SYBU: variants seen among roughly 807,000 people sequenced by gnomAD.
SYBU encodes the protein GOLSYN A protein.
A neutral mutation model predicts 35.9 loss-of-function variants in SYBU; 21 were observed. The ratio of observed to expected loss-of-function variants is 0.58; its 90% CI spans 0.41 to 0.84. The LOEUF (loss-of-function observed/expected upper bound fraction) is 0.84, where lower values mean the gene tolerates loss of function less well. SYBU is among the 40% of genes least tolerant of loss of function. SYBU has a pLI of 0.00. For synonymous variants in SYBU, 319 were observed against 324.3 expected, an observed-to-expected ratio of 0.98 and a Z score of 0.18; for missense variants, 768 against 848.2, an observed-to-expected ratio of 0.91 and a Z score of 1.17.
At chr8:109,588,731 A>G (rs1255714288) in intron 3 of SYBU, among the ~76,000 whole-genome samples, 2 of 151,156 alleles carry the variant, frequency 1.3e-5, no homozygotes, top group Admixed American at 6.6e-5. Context: ...CCATTTATCT[A>G]TTAGTTGGCA....
At chr8:109,609,268 T>C (rs1810912849) in intron 3 of SYBU, among the ~76,000 whole-genome samples, 1 of 152,218 alleles carries the variant, frequency 6.6e-6, no homozygotes, top group Admixed American at 6.5e-5. Context: ...TCCTTCTGAA[T>C]TGGCTGCAAT....
chr8:109,683,617 C>T (rs565429261), upstream of SYBU, among the ~76,000 whole-genome samples: 1 of 152,154 alleles, frequency 6.6e-6, no homozygotes, highest in South Asian at 2.1e-4. Flanking sequence ...TGAGTTAAGA[C>T]TTTGGGGGAC....
At chr8:109,658,832 TA>T (rs1726044643) in intron 1 of SYBU, among the ~76,000 whole-genome samples, 1 of 152,122 alleles carries the variant, frequency 6.6e-6, no homozygotes, top group South Asian at 2.1e-4. Context: ...CGCACGCCTG[TA>T]ATCCCAGCTA....
At chr8:109,644,949 T>C (rs1815463409), upstream of SYBU, 2 of 527,286 alleles carry the variant, frequency 3.8e-6, no homozygotes, top group Non-Finnish European at 6.9e-6. Context: ...CGACCGCGCC[T>C]GGGCGCGCCC....
At chr8:109,676,333 G>A (rs567695764) in intron 1 of SYBU, among the ~76,000 whole-genome samples, 5 of 152,190 alleles carry the variant, frequency 3.3e-5, no homozygotes, top group Non-Finnish European at 7.3e-5. Context: ...AATAGGAAGA[G>A]AGGAAGTCAA....
intron 1 of SYBU, among the ~76,000 whole-genome samples, chr8:109,686,489 A>G (rs1014249405): frequency 6.6e-6 from 1 of 152,206 alleles, no homozygotes; most frequent in African/African-American, 2.4e-5. Flanking sequence ...ACTCACTTAG[A>G]CTATCATTCC....
rs892515460 is a variant in SYBU, at chr8:109,691,049, G to T, written c.-58+284C>A. ...TACATTAGCCTGGCTAATCTTGCTC[G>T]TTGCAACAAGGAGTCCAGCCCGACC... On this transcript the variant is annotated intron_variant, in intron 1 of 7. Transcript: ENST00000422135. The surrounding 1 kb of genome is among the most constrained non-coding windows in gnomAD (Gnocchi z 4.7). Among the ~76,000 whole-genome samples the T allele has an allele frequency of 1.3e-5, 2 of 152,246 alleles. No individual in the cohort carries two copies. The highest frequency in any genetic ancestry group is 4.8e-5 in the African/African-American group (2 of 41,536).
Position 109,590,687 on chromosome 8 carries a change from CAAAT to C in SYBU, c.428-4529_428-4526del, listed in dbSNP as rs148644299. ...TATGGGAAAATAGCAAGGTCAAAGA[CAAAT>C]AGATACACTGAAAAAATATTTCTAA... On this transcript the variant is annotated intron_variant, in intron 3 of 6. Coordinates refer to ENST00000276646, the MANE Select transcript of SYBU (RefSeq NM_001099754.2). Among the ~76,000 whole-genome samples the C allele has an allele frequency of 6.3e-3, 908 of 143,310 alleles. 10 individuals are homozygous for C. Among genetic ancestry groups the C allele is most frequent in the African/African-American group, 0.021 (791 of 37,762 alleles). The allele number at this position is 143,310 out of a possible 152,430, so 94.0% of individuals were successfully genotyped here.
chr8:109,625,988 G>C (rs965399316), intron 2 of SYBU, among the ~76,000 whole-genome samples: 2 of 152,092 alleles, frequency 1.3e-5, no homozygotes, highest in Non-Finnish European at 2.9e-5. Context: ...ATTTCTTAAA[G>C]TTAATTAAAA....
chr8:109,581,385 A>T (rs1270066145), intron 4 of SYBU, among the ~76,000 whole-genome samples: 4 of 152,178 alleles, frequency 2.6e-5, no homozygotes, highest in Admixed American at 1.3e-4. Flanking sequence ...CACAGAATTG[A>T]TGTGAAAATC....
At chr8:109,598,887 T>C (rs951776118) in intron 3 of SYBU, among the ~76,000 whole-genome samples, 5 of 152,236 alleles carry the variant, frequency 3.3e-5, no homozygotes, top group African/African-American at 1.2e-4. Context: ...TTATTCCTAT[T>C]TTACAGGTGA....
chr8:109,642,723 T>C lies in SYBU; in HGVS notation c.229+5A>G, dbSNP rs375252561. On this transcript the variant is annotated splice_donor_5th_base_variant and intron_variant, in intron 2 of 6. Coordinates refer to ENST00000276646, the MANE Select transcript of SYBU (RefSeq NM_001099754.2). ...GCCTCTGGTGGCCTCCCGAGGGTAC[T>C]GTACCTGAGCAGAAGCTGTTGCTGC... 2.5e-6 allele frequency: 4 copies of C among 1,587,996 alleles called. No homozygotes were observed. The highest frequency in any genetic ancestry group is 4.5e-5 in the East Asian group (2 of 44,416).
chr8:109,642,584 A>G, intron 2 of SYBU, 144 bp downstream of exon 2: 1 of 469,480 alleles, frequency 2.1e-6, no homozygotes, highest in Non-Finnish European at 3.6e-6. Flanking sequence ...AGGTCACAAC[A>G]GCCAGAAATG....
chr8:109,586,716 A>G (rs1346443672), intron 3 of SYBU, among the ~76,000 whole-genome samples: 1 of 152,202 alleles, frequency 6.6e-6, no homozygotes, highest in Non-Finnish European at 1.5e-5. Flanking sequence ...CTCTGACTGC[A>G]GTTTTGGTTT....
chr8:109,611,754 C>A (rs1811197060), intron 3 of SYBU, among the ~76,000 whole-genome samples: 1 of 152,126 alleles, frequency 6.6e-6, no homozygotes, highest in African/African-American at 2.4e-5. Flanking sequence ...ACACTGACGA[C>A]CTTAACATTT....
intron 1 of SYBU, among the ~76,000 whole-genome samples, chr8:109,664,259 A>G (rs950555274): frequency 3.3e-5 from 5 of 152,182 alleles, no homozygotes; most frequent in Non-Finnish European, 2.9e-5. Flanking sequence ...GGAGAAACAA[A>G]TGTGCTCTAT....
intron 1 of SYBU, among the ~76,000 whole-genome samples, chr8:109,677,034 ATG>A (rs10638682): frequency 1.5e-4 from 22 of 145,978 alleles, no homozygotes; most frequent in East Asian, 3.9e-4. Context: ...CAGGGTGTTC[ATG>A]TGTGTGTGTG....
At chr8:109,650,087 A>G (rs1816058727) in intron 1 of SYBU, among the ~76,000 whole-genome samples, 1 of 152,122 alleles carries the variant, frequency 6.6e-6, no homozygotes, top group African/African-American at 2.4e-5. Flanking sequence ...AGTTGCCTGA[A>G]CCCAGGAGGG....
intron 2 of SYBU, among the ~76,000 whole-genome samples, chr8:109,638,146 C>T (rs1411166018): frequency 5.9e-5 from 9 of 152,312 alleles, no homozygotes; most frequent in Admixed American, 5.9e-4. Flanking sequence ...GCCATGTTTA[C>T]AAGGCGCCCC....
Sources: gnomAD v4.1 joint callset for allele counts (sites outside exome capture counted in the v4.1 genomes callset) on GRCh38, gnomAD v4.1.1 for gene constraint, Gnocchi (gnomAD v3.1) non-coding constraint, MANE v1.5 for transcripts, NCBI Gene and HGNC (gene_info 2026-07-23, HGNC 2026-07-21) for gene names.